LPP: variants seen among roughly 807,000 people sequenced by gnomAD.
LPP encodes LIM domain containing preferred translocation partner in lipoma, also known as lipoma-preferred partner.
Under a neutral mutation model 60.4 loss-of-function variants are expected in LPP, and 38 were observed. That is an observed-to-expected ratio of 0.63 (90% confidence interval 0.49 to 0.83). LPP has a LOEUF of 0.83. Ranked by LOEUF, LPP falls within the 40% of genes least tolerant of loss-of-function variation. The pLI, the probability that LPP is intolerant of heterozygous loss-of-function variation, is 0.00. For missense variants in LPP, 902 were observed against 783.6 expected, an observed-to-expected ratio of 1.15 and a Z score of -1.80; for synonymous variants, 328 against 290.8, an observed-to-expected ratio of 1.13 and a Z score of -1.30.
chr3:188,179,745 A>T, intron 1 of LPP: 1 of 337,238 alleles, frequency 3.0e-6, no homozygotes, highest in Non-Finnish European at 5.8e-6. Context: ...TGAGAGCAGT[A>T]GTTAGCTTGC....
chr3:188,845,833 G>A (rs749468346), intron 9 of LPP, among the ~76,000 whole-genome samples: 1 of 152,194 alleles, frequency 6.6e-6, no homozygotes, highest in Non-Finnish European at 1.5e-5. Context: ...GCTTATCTGA[G>A]AAAGATGCTA....
intron 4 of LPP, among the ~76,000 whole-genome samples, chr3:188,439,287 A>T (rs1352601352): frequency 6.6e-6 from 1 of 152,184 alleles, no homozygotes; most frequent in Non-Finnish European, 1.5e-5. Context: ...GTCAACCATC[A>T]TTCGCTTCCT....
At chr3:188,690,899 C>T (rs145231954) in intron 7 of LPP, among the ~76,000 whole-genome samples, 1 of 152,188 alleles carries the variant, frequency 6.6e-6, no homozygotes, top group African/African-American at 2.4e-5. Context: ...AGTATAATCC[C>T]TATACATTTT....
At chr3:188,325,444 A>C (rs9870824) in intron 2 of LPP, among the ~76,000 whole-genome samples, 80 of 151,986 alleles carry the variant, frequency 5.3e-4, no homozygotes, top group African/African-American at 1.8e-3. Flanking sequence ...TCAAATGTTA[A>C]AGCCTTACCT....
chr3:188,265,870 G>GGTGTGTGTGTGTGTGTGTGT (rs55722565), intron 2 of LPP, among the ~76,000 whole-genome samples: 2 of 143,324 alleles, frequency 1.4e-5, no homozygotes, highest in Non-Finnish European at 3.0e-5. Context: ...GGATTACTCT[G>GGTGTGTGTGTGTGTGTGTGT]GTGTGTGTGT....
chr3:188,239,364 A>G (rs1723037933), intron 2 of LPP, among the ~76,000 whole-genome samples: 1 of 152,246 alleles, frequency 6.6e-6, no homozygotes, highest in Non-Finnish European at 1.5e-5. Context: ...CAAATGGCCA[A>G]CCATGTCAGT....
rs528983326 is a variant in LPP, at chr3:188,702,575, A to T, written c.1114-5692A>T. ...ATACTTAAAGTTCTTGGCACTTGGT[A>T]ATCCCGTAGGAGATTTATGTTAAGA... On this transcript the variant is annotated intron_variant, in intron 7 of 11. Coordinates refer to ENST00000617246, the MANE Select transcript of LPP (RefSeq NM_001375462.1). Among the ~76,000 whole-genome samples the T allele has an allele frequency of 5.3e-5, 8 of 152,270 alleles. 1 individual carries two copies. Among genetic ancestry groups the T allele is most frequent in the Admixed American group, 3.3e-4 (5 of 15,288 alleles).
At chr3:188,824,386 A>T (rs1426446812) in intron 9 of LPP, among the ~76,000 whole-genome samples, 1 of 152,224 alleles carries the variant, frequency 6.6e-6, no homozygotes, top group African/African-American at 2.4e-5. Flanking sequence ...TAAGTTAAAA[A>T]TTTAGCTCCT....
At chr3:188,639,411 C>A (rs898229572) in intron 7 of LPP, among the ~76,000 whole-genome samples, 13 of 151,544 alleles carry the variant, frequency 8.6e-5, no homozygotes, top group African/African-American at 2.9e-4. Context: ...ACCATAAAAA[C>A]CCTAGAAGAA....
chr3:188,553,879 G>T (rs1828809987), intron 6 of LPP: 1 of 152,186 alleles, frequency 6.6e-6, no homozygotes, highest in Non-Finnish European at 1.5e-5. Flanking sequence ...AGTCACTTGT[G>T]TGAAAATGTC....
intron 9 of LPP, among the ~76,000 whole-genome samples, chr3:188,787,577 G>A (rs1387335779): frequency 4.6e-5 from 7 of 152,066 alleles, no homozygotes; most frequent in African/African-American, 1.4e-4. Context: ...ATACACTTAA[G>A]ACTCTTCAGT....
chr3:188,483,197 G>A (rs1023725658), intron 4 of LPP, among the ~76,000 whole-genome samples: 7 of 152,100 alleles, frequency 4.6e-5, no homozygotes, highest in African/African-American at 1.7e-4. Context: ...GACAGTTCTT[G>A]GCTTAGCTAC....
chr3:188,662,127 T>A (rs1000135444), intron 7 of LPP, among the ~76,000 whole-genome samples: 1 of 152,276 alleles, frequency 6.6e-6, no homozygotes, highest in Non-Finnish European at 1.5e-5. Flanking sequence ...CTCTCAGTTA[T>A]GCGACATAGT....
At chr3:188,577,740 C>A (rs1432801479) in intron 6 of LPP, among the ~76,000 whole-genome samples, 2 of 92,758 alleles carry the variant, frequency 2.2e-5, no homozygotes, top group Non-Finnish European at 4.9e-5. Flanking sequence ...TTCCTTCCTT[C>A]CTTTGTTCCT....
At chr3:188,289,671 C>T (rs776725575) in intron 2 of LPP, among the ~76,000 whole-genome samples, 4 of 151,966 alleles carry the variant, frequency 2.6e-5, no homozygotes, top group East Asian at 3.9e-4. Context: ...TGGCAAAAAA[C>T]GAATAAGCAG....
intron 7 of LPP, among the ~76,000 whole-genome samples, chr3:188,650,407 G>A (rs1203231742): frequency 1.3e-5 from 2 of 152,110 alleles, no homozygotes; most frequent in Non-Finnish European, 2.9e-5. Context: ...TGATGTGCTA[G>A]CATAAAGCGG....
At chr3:188,283,116 A>G (rs575212411) in intron 2 of LPP, among the ~76,000 whole-genome samples, 2 of 152,274 alleles carry the variant, frequency 1.3e-5, no homozygotes, top group East Asian at 3.9e-4. Flanking sequence ...CTGTCTCTCT[A>G]GAGGCACAAG....
In LPP at chr3:188,610,267, G is replaced by T. The variant is rs1474048862; in HGVS notation, c.1113+423G>T. 1.3e-5 allele frequency among the ~76,000 whole-genome samples: 2 copies of T among 152,200 alleles called. No individual in the cohort carries two copies. The highest frequency in any genetic ancestry group is 2.9e-5 in the Non-Finnish European group (2 of 68,042). ...TGTAGTATCTCAAGCCTCAGCAAGG[G>T]TAGTGATCTATGGGTGAGACATGTG... On this transcript the variant is annotated intron_variant, in intron 7 of 11. Transcript: ENST00000617246. The surrounding 1 kb of genome is among the most constrained non-coding windows in gnomAD (Gnocchi z 4.4).
chr3:188,630,260 TCAAA>T (rs1485587917), intron 7 of LPP, among the ~76,000 whole-genome samples: 3 of 152,064 alleles, frequency 2.0e-5, no homozygotes, highest in South Asian at 2.1e-4. Context: ...TATATGGAAC[TCAAA>T]CAAATCAGCA....
Sources: allele counts gnomAD v4.1 joint callset (sites outside exome capture counted in the v4.1 genomes callset), GRCh38; gene constraint gnomAD v4.1.1; non-coding constraint Gnocchi (gnomAD v3.1); transcripts MANE v1.5; gene names NCBI Gene and HGNC (gene_info 2026-07-23, HGNC 2026-07-21).